INHBA: variants seen among roughly 807,000 people sequenced by gnomAD.
INHBA encodes the protein inhibin beta A chain.
In INHBA, 1 loss-of-function variant was observed where a neutral mutation model predicts 29.0. That is an observed-to-expected ratio of 0.03 (90% confidence interval 0.01 to 0.16). The LOEUF is 0.16. INHBA is among the 10% of genes least tolerant of loss of function. The pLI is 1.00. For missense variants in INHBA, 376 were observed against 545.4 expected (o/e 0.69, Z 3.09); for synonymous variants, 242 against 216.8 (o/e 1.12, Z -1.02).
chr7:41,703,766 A>AACACACAC (rs3030167), upstream of INHBA, among the ~76,000 whole-genome samples: 7 of 147,994 alleles, frequency 4.7e-5, no homozygotes, highest in African/African-American at 7.5e-5. Context: ...TAACTAACCA[A>AACACACAC]ACACACACAC....
intron 1 of INHBA, among the ~76,000 whole-genome samples, chr7:41,702,083 C>G (rs895316791): frequency 6.6e-6 from 1 of 152,140 alleles, no homozygotes; most frequent in Non-Finnish European, 1.5e-5. Context: ...CGGTTTCTTT[C>G]CCACACATAA....
intron 2 of INHBA, among the ~76,000 whole-genome samples, chr7:41,692,873 A>G (rs1481737680): frequency 1.3e-5 from 2 of 152,226 alleles, no homozygotes; most frequent in East Asian, 3.8e-4. Context: ...TCCCATAAGC[A>G]GAGCTTAATC....
chr7:41,700,294 C>T lies in INHBA; in HGVS notation c.81G>A (p.Glu27=). 6.3e-7 allele frequency: 1 copy of T among 1,584,906 alleles called. No homozygotes were observed. Among genetic ancestry groups the T allele is most frequent in the Admixed American group, 1.7e-5 (1 of 58,184 alleles). ...IVRSSPTPGS[E]GHSAAPDCPS... The stretch of plus-strand genomic sequence containing the variant: ...GACAGTCGGGGGCCGCGCTGTGCCC[C>T]TCGGATCCTGGGGTGGGGGAACTCC... Residue 27 remains glutamate, a synonymous_variant, in exon 2 of 3, where the codon GAG becomes GAA. Coordinates refer to ENST00000242208, the MANE Select transcript of INHBA (RefSeq NM_002192.4).
upstream of INHBA, among the ~76,000 whole-genome samples, chr7:41,704,008 C>A (rs777764925): frequency 6.6e-6 from 1 of 152,018 alleles, no homozygotes. Flanking sequence ...CTGACAAGAA[C>A]GGTGAAGGGT....
At chr7:41,696,238 G>A (rs750356619) in intron 2 of INHBA, among the ~76,000 whole-genome samples, 8 of 152,218 alleles carry the variant, frequency 5.3e-5, no homozygotes, top group Non-Finnish European at 1.0e-4. Context: ...GATGGAAGAT[G>A]TTTTTGTTAC....
intron 2 of INHBA, among the ~76,000 whole-genome samples, chr7:41,694,550 C>T (rs1794597759): frequency 6.6e-6 from 1 of 152,306 alleles, no homozygotes; most frequent in African/African-American, 2.4e-5. Context: ...TGTACAGGTG[C>T]GACCTAGGTT....
At chr7:41,698,160 A>C (rs1414990675) in intron 2 of INHBA, among the ~76,000 whole-genome samples, 1 of 152,246 alleles carries the variant, frequency 6.6e-6, no homozygotes, top group African/African-American at 2.4e-5. Flanking sequence ...GGAAGACCAC[A>C]CATAAGAAAG....
intron 2 of INHBA, among the ~76,000 whole-genome samples, chr7:41,693,057 T>C (rs1794557821): frequency 6.6e-6 from 1 of 152,204 alleles, no homozygotes; most frequent in African/African-American, 2.4e-5. Flanking sequence ...GTTAACAAGA[T>C]ACCTGCTGTT....
Position 41,699,892 on chromosome 7 carries a change from A to G in INHBA, c.388+95T>C. On this transcript the variant is annotated intron_variant, in intron 2 of 2. Coordinates refer to ENST00000242208, the MANE Select transcript of INHBA (RefSeq NM_002192.4). Reference sequence around the variant, plus strand: ...AACCTTCCCAGGCAGTTTCCAGCTGAAGGGAAAAGAAGTTCCTCCTGGGAC... The same window carrying G: ...AACCTTCCCAGGCAGTTTCCAGCTGGAGGGAAAAGAAGTTCCTCCTGGGAC... 4 of 858,678 alleles carry G rather than the reference A, an allele frequency of 4.7e-6. No homozygotes were observed. In the South Asian group the frequency reaches 6.6e-5, roughly 14 times the overall value. The allele number at this position is 858,678 out of a possible 1,614,324, so 53.2% of individuals were successfully genotyped here.
chr7:41,690,355 G>A lies in INHBA; in HGVS notation c.576C>T (p.Ala192=), dbSNP rs536410391. The A allele has an allele frequency of 4.3e-6, 7 of 1,613,968 alleles. No homozygotes were observed. In the South Asian group the frequency reaches 6.6e-5, roughly 15 times the overall value. Residue 192 remains alanine (A), a synonymous_variant, in exon 3 of 3, where the codon GCC becomes GCT. Coordinates refer to ENST00000242208, the MANE Select transcript of INHBA (RefSeq NM_002192.4). ...PQGSLDTGEE[A]EEVGLKGERS... Reference sequence around the variant, plus strand: ...TCTCCCCCTTTAAGCCCACTTCCTCGGCCTCTTCCCCTGTGTCCAAGCTGC... The same window carrying A: ...TCTCCCCCTTTAAGCCCACTTCCTCAGCCTCTTCCCCTGTGTCCAAGCTGC...
chr7:41,700,845 G>GAA lies in INHBA; in HGVS notation c.-143-329_-143-328insTT, dbSNP rs1794770780. Among the ~76,000 whole-genome samples, 5 of 17,522 alleles carry GAA rather than the reference G, an allele frequency of 2.9e-4. No homozygotes were observed. The South Asian group carries it at 0.012, about 41-fold the overall frequency. The allele number at this position is 17,522 out of a possible 152,430, so 11.5% of individuals were successfully genotyped here. ...GGAGAGGGAGAGAGGGAAAGGAAGAGAGAGAGAGAGAGAGAGAGAGAGAGA... is the reference window on the plus strand; with the variant it reads ...GGAGAGGGAGAGAGGGAAAGGAAGAGAAAGAGAGAGAGAGAGAGAGAGAGAGA... On this transcript the variant is annotated intron_variant, in intron 1 of 2. Coordinates refer to ENST00000242208, the MANE Select transcript of INHBA (RefSeq NM_002192.4).
At chr7:41,699,340 G>T (rs957241287) in intron 2 of INHBA, among the ~76,000 whole-genome samples, 2 of 151,990 alleles carry the variant, frequency 1.3e-5, no homozygotes, top group Admixed American at 6.5e-5. Context: ...AGTAACTGCT[G>T]GTTCAATGAC....
At position 41,699,969 on chromosome 7, in the gene INHBA, G is replaced by T; in HGVS notation, c.388+18C>A. 9.6e-7 allele frequency: 1 copy of T among 1,040,536 alleles called. No homozygotes were observed. Among genetic ancestry groups the T allele is most frequent in the Non-Finnish European group, 1.2e-6 (1 of 809,618 alleles). 64.5% of individuals were successfully genotyped at this position (1,040,536 alleles called of 1,614,324 possible). ...CACCCCCCACCCCTCCCCACCCCCT[G>T]CCAATGCCAGCACCAACCTGACTCG... is the stretch of plus-strand genomic sequence containing the variant. On this transcript the variant is annotated intron_variant, in intron 2 of 2. Transcript: ENST00000242208.
chr7:41,685,213 CT>C lies in INHBA; in HGVS notation c.*4436del, dbSNP rs1391229999. The C allele has an allele frequency of 6.6e-6, 1 of 152,092 alleles. No individual in the cohort carries two copies. The highest frequency in any genetic ancestry group is 2.4e-5 in the African/African-American group (1 of 41,432). 9.4% of individuals were successfully genotyped at this position (152,092 alleles called of 1,614,324 possible). A position where few individuals can be genotyped will look rare whatever the true frequency, so the allele number is the denominator to read the frequency against. ...ACTGTACAAAATATTGACTGCATGC[CT>C]CGCAAACACCAAAATATCCGCTGGA... On this transcript the variant is annotated 3_prime_UTR_variant, in exon 3 of 3. Coordinates refer to ENST00000242208, the MANE Select transcript of INHBA (RefSeq NM_002192.4).
rs563303699 is a variant in INHBA at position 41,699,771 on chromosome 7, C to T, written c.388+216G>A. The stretch of plus-strand genomic sequence containing the variant: ...TAAGTGTAAGCCAGTCATCTCCAGG[C>T]AGAGCTCGACCGAGAATTCCTTTTC... On this transcript the variant is annotated intron_variant, in intron 2 of 2. Coordinates refer to ENST00000242208, the MANE Select transcript of INHBA (RefSeq NM_002192.4). 2.6e-5 allele frequency among the ~76,000 whole-genome samples: 4 copies of T among 152,258 alleles called. No individual in the cohort carries two copies. The South Asian group carries it at 6.2e-4, about 24-fold the overall frequency.
At position 41,700,449 on chromosome 7, in the gene INHBA, T is replaced by C. The variant is rs186200904; in HGVS notation, c.-75A>G. The C allele has an allele frequency of 7.4e-7, 1 of 1,347,352 alleles. No homozygotes were observed. Among genetic ancestry groups the C allele is most frequent in the Non-Finnish European group, 9.7e-7 (1 of 1,028,320 alleles). 83.5% of individuals were successfully genotyped at this position (1,347,352 alleles called of 1,614,324 possible). On this transcript the variant is annotated 5_prime_UTR_variant, in exon 2 of 3. Transcript: ENST00000242208. Reference sequence around the variant, plus strand: ...CCTCCCCCCTCACGCGCAGGTTTTTTTGTGTGTGTGGATTTTTTTATTTTT... The same window carrying C: ...CCTCCCCCCTCACGCGCAGGTTTTTCTGTGTGTGTGGATTTTTTTATTTTT...
intron 2 of INHBA, chr7:41,692,202 T>C (rs1242456888): frequency 2.0e-5 from 3 of 152,194 alleles, no homozygotes; most frequent in Non-Finnish European, 4.4e-5. Context: ...TATCCTCTTT[T>C]CCATGACCGT....
intron 2 of INHBA, among the ~76,000 whole-genome samples, chr7:41,696,542 A>G (rs576376608): frequency 1.3e-5 from 2 of 152,324 alleles, no homozygotes; most frequent in East Asian, 3.9e-4. Context: ...AGGGCGCTAC[A>G]GACAGGGGCT....
rs763911270 is a variant in INHBA, at chr7:41,689,803, G to A, written c.1128C>T (p.Tyr376=). The change falls in exon 3 of 3, where the codon TAC becomes TAT. Residue 376 remains tyrosine (Y), a synonymous_variant. Coordinates refer to ENST00000242208, the MANE Select transcript of INHBA (RefSeq NM_002192.4). ...CAAAGGGGCTATGGCCCCGCATGCGGTAGTGGTTGATGACTGTTGAGTGGA... is the reference window on the plus strand; with the variant it reads ...CAAAGGGGCTATGGCCCCGCATGCGATAGTGGTTGATGACTGTTGAGTGGA... ...LSFHSTVINH[Y]RMRGHSPFAN... 7 of 1,614,054 alleles carry A rather than the reference G, an allele frequency of 4.3e-6. No individual in the cohort carries two copies. The highest frequency in any genetic ancestry group is 1.3e-5 in the African/African-American group (1 of 74,936).
Sources: gnomAD v4.1 joint callset for allele counts (sites outside exome capture counted in the v4.1 genomes callset) on GRCh38, gnomAD v4.1.1 for gene constraint, MANE v1.5 for transcripts, NCBI Gene and HGNC (gene_info 2026-07-23, HGNC 2026-07-21) for gene names.